The following METTL15 variants were observed in gnomAD, a reference collection of about 807,000 sequenced individuals.
METTL15 encodes the protein methyltransferase 15, mitochondrial 12S rRNA N4-cytidine.
Under a neutral mutation model 38.3 loss-of-function variants are expected in METTL15, and 34 were observed. The observed-to-expected ratio is 0.89, with a 90% CI of 0.68 to 1.18. METTL15 has a LOEUF of 1.18. Among genes scored for constraint, METTL15 ranks in the 50% most tolerant of loss-of-function variants. The pLI is 0.00. For missense variants in METTL15, 438 were observed against 498.4 expected (o/e 0.88, Z 1.15); for synonymous variants, 162 against 170.9 (o/e 0.95, Z 0.41).
intron 5 of METTL15, among the ~76,000 whole-genome samples, chr11:28,412,103 T>C (rs751651369): frequency 2.0e-5 from 3 of 151,976 alleles, no homozygotes; most frequent in Non-Finnish European, 2.9e-5. Context: ...GAAATGTTAA[T>C]GAGGGTATGG....
intron 3 of METTL15, among the ~76,000 whole-genome samples, chr11:28,159,792 A>G (rs1236544451): frequency 6.6e-6 from 1 of 152,142 alleles, no homozygotes; most frequent in Non-Finnish European, 1.5e-5. Context: ...TAGTTGTATT[A>G]TGTTAGGCAT....
intron 4 of METTL15, among the ~76,000 whole-genome samples, chr11:28,218,874 T>C (rs1853041909): frequency 6.6e-6 from 1 of 152,192 alleles, no homozygotes; most frequent in Non-Finnish European, 1.5e-5. Context: ...TTGATTTGCG[T>C]ATATTGAAGC....
At chr11:28,403,911 T>A (rs1049462540) in intron 5 of METTL15, among the ~76,000 whole-genome samples, 1 of 152,078 alleles carries the variant, frequency 6.6e-6, no homozygotes. Context: ...TTATTCTTTT[T>A]TTAAAAACCA....
At chr11:28,426,584 G>GTTTTTTTTGT (rs1850866469) in intron 6 of METTL15, among the ~76,000 whole-genome samples, 5 of 82,310 alleles carry the variant, frequency 6.1e-5, no homozygotes, top group East Asian at 3.8e-4. Flanking sequence ...GCCAGCATCT[G>GTTTTTTTTGT]TTTTTTTTTT....
chr11:28,160,769 A>G (rs1489500710), intron 3 of METTL15, among the ~76,000 whole-genome samples: 1 of 152,154 alleles, frequency 6.6e-6, no homozygotes, highest in Non-Finnish European at 1.5e-5. Flanking sequence ...TTTCTTGTAT[A>G]TAAATGTACT....
intron 5 of METTL15, among the ~76,000 whole-genome samples, chr11:28,376,385 C>G (rs914665806): frequency 6.6e-6 from 1 of 151,980 alleles, no homozygotes; most frequent in African/African-American, 2.4e-5. Context: ...ATAGTTAGCT[C>G]TTCTTGTTGA....
At chr11:28,122,964 A>G (rs1351247432) in intron 3 of METTL15, among the ~76,000 whole-genome samples, 2 of 152,104 alleles carry the variant, frequency 1.3e-5, no homozygotes, top group Non-Finnish European at 2.9e-5. Flanking sequence ...TTTTAAAATT[A>G]ACCAAAAAAT....
At chr11:28,249,400 G>T (rs1217398535) in intron 4 of METTL15, among the ~76,000 whole-genome samples, 4 of 151,856 alleles carry the variant, frequency 2.6e-5, no homozygotes, top group South Asian at 2.1e-4. Flanking sequence ...TATGTACTTA[G>T]CTAAAAATTG....
At chr11:28,132,251 G>T (rs1384995976) in intron 3 of METTL15, among the ~76,000 whole-genome samples, 1 of 152,026 alleles carries the variant, frequency 6.6e-6, no homozygotes, top group African/African-American at 2.4e-5. Flanking sequence ...AACAGACATT[G>T]TCTTAAAATG....
intron 3 of METTL15, among the ~76,000 whole-genome samples, chr11:28,128,139 G>T (rs1483390201): frequency 1.3e-5 from 2 of 152,026 alleles, no homozygotes; most frequent in Non-Finnish European, 2.9e-5. Flanking sequence ...TGCTCTGTGG[G>T]CATTTTCATA....
chr11:28,234,919 T>C (rs1853875289), intron 4 of METTL15, among the ~76,000 whole-genome samples: 1 of 149,634 alleles, frequency 6.7e-6, no homozygotes, highest in South Asian at 2.1e-4. Context: ...GGTTTTCTTC[T>C]AGGGTTTTTA....
downstream of METTL15, among the ~76,000 whole-genome samples, chr11:28,333,716 T>C (rs1429037256): frequency 2.6e-5 from 4 of 152,002 alleles, no homozygotes; most frequent in Admixed American, 2.6e-4. Flanking sequence ...AAAGACACTA[T>C]ATCTATATGT....
chr11:28,268,293 A>G (rs1855513657), intron 4 of METTL15, among the ~76,000 whole-genome samples: 1 of 151,804 alleles, frequency 6.6e-6, no homozygotes, highest in Admixed American at 6.6e-5. Context: ...TTTTACACAG[A>G]AATTGCTATA....
chr11:28,371,593 A>G (rs574287709), intron 5 of METTL15, among the ~76,000 whole-genome samples: 1 of 152,000 alleles, frequency 6.6e-6, no homozygotes, highest in Non-Finnish European at 1.5e-5. Context: ...AAGATATTGC[A>G]TTGAATCTGT....
At chr11:28,159,650 C>T (rs1319261276) in intron 3 of METTL15, among the ~76,000 whole-genome samples, 2 of 152,064 alleles carry the variant, frequency 1.3e-5, no homozygotes, top group African/African-American at 4.8e-5. Context: ...AAGAAAATAT[C>T]GTCATTTTAT....
chr11:28,155,892 A>G (rs1218702006), intron 3 of METTL15, among the ~76,000 whole-genome samples: 1 of 152,160 alleles, frequency 6.6e-6, no homozygotes, highest in Non-Finnish European at 1.5e-5. Context: ...TCTTATAAGG[A>G]TTACATCAGG....
chr11:28,520,193 C>T (rs1362151098), intron 6 of METTL15, among the ~76,000 whole-genome samples: 2 of 151,926 alleles, frequency 1.3e-5, no homozygotes, highest in Non-Finnish European at 2.9e-5. Flanking sequence ...GAAAAGTGAG[C>T]CTGGAGTAGT....
intron 3 of METTL15, among the ~76,000 whole-genome samples, chr11:28,202,432 C>T (rs1177424084): frequency 6.6e-6 from 1 of 151,922 alleles, no homozygotes; most frequent in Non-Finnish European, 1.5e-5. Flanking sequence ...GTATATCTTT[C>T]TTACATTGCT....
intron 6 of METTL15, among the ~76,000 whole-genome samples, chr11:28,482,622 G>T (rs775225558): frequency 6.6e-6 from 1 of 152,210 alleles, no homozygotes; most frequent in Non-Finnish European, 1.5e-5. Context: ...GGAAGGTAAA[G>T]CTCAGATGTT....
Sources: gnomAD v4.1 joint callset for allele counts (sites outside exome capture counted in the v4.1 genomes callset) on GRCh38, gnomAD v4.1.1 for gene constraint, MANE v1.5 for transcripts, NCBI Gene and HGNC (gene_info 2026-07-23, HGNC 2026-07-21) for gene names.